The following SOX6 variants were observed in gnomAD, a reference collection of about 807,000 sequenced individuals.
SOX6 encodes the protein SRY-box transcription factor 6.
SOX6 carries 11 observed loss-of-function variants against 97.8 expected under a neutral mutation model. The observed-to-expected ratio is 0.11, with a 90% CI of 0.07 to 0.19. The LOEUF (loss-of-function observed/expected upper bound fraction) is 0.19, where lower values mean the gene tolerates loss of function less well. SOX6 is among the 10% of genes least tolerant of loss of function. The pLI is 1.00. For missense variants in SOX6, 810 were observed against 1,039.5 expected (o/e 0.78, Z 3.04); for synonymous variants, 360 against 371.4 (o/e 0.97, Z 0.35).
intron 3 of SOX6, among the ~76,000 whole-genome samples, chr11:16,236,402 A>ATTGAT (rs1217224672): frequency 5.3e-5 from 8 of 152,048 alleles, no homozygotes; most frequent in Non-Finnish European, 2.9e-5. Context: ...CCTGTCACAG[A>ATTGAT]TTGCTTTTTC....
chr11:16,277,026 A>G (rs184610712), intron 3 of SOX6, among the ~76,000 whole-genome samples: 2 of 152,304 alleles, frequency 1.3e-5, no homozygotes, highest in East Asian at 3.9e-4. Context: ...GCCTAGCACC[A>G]AAGAACACTT....
chr11:16,018,110 T>A (rs1041593308), intron 12 of SOX6, among the ~76,000 whole-genome samples: 3 of 152,130 alleles, frequency 2.0e-5, no homozygotes, highest in East Asian at 1.9e-4. Flanking sequence ...AGATGTTGCA[T>A]ATTAAATAAA....
chr11:16,513,394 A>G (rs1860911318), intron 4 of SOX6, among the ~76,000 whole-genome samples: 1 of 152,206 alleles, frequency 6.6e-6, no homozygotes, highest in Non-Finnish European at 1.5e-5. Flanking sequence ...GCACTTTGGG[A>G]GGCCAAGGCG....
chr11:16,652,221 A>G (rs1257482797), intron 3 of SOX6, among the ~76,000 whole-genome samples: 2 of 152,174 alleles, frequency 1.3e-5, no homozygotes, highest in Admixed American at 6.5e-5. Context: ...AATTAGCATC[A>G]AAGTACCATC....
At chr11:16,260,370 T>C (rs1194157443) in intron 3 of SOX6, among the ~76,000 whole-genome samples, 1 of 152,190 alleles carries the variant, frequency 6.6e-6, no homozygotes, top group African/African-American at 2.4e-5. Flanking sequence ...ATATATGTTA[T>C]ATTGTGAAAA....
At chr11:16,261,260 A>G (rs1718116798) in intron 3 of SOX6, among the ~76,000 whole-genome samples, 1 of 152,194 alleles carries the variant, frequency 6.6e-6, no homozygotes, top group Non-Finnish European at 1.5e-5. Flanking sequence ...ACTAAACAAA[A>G]ATATGTGGAA....
chr11:16,164,449 T>G (rs1850831446), intron 6 of SOX6, among the ~76,000 whole-genome samples: 1 of 152,234 alleles, frequency 6.6e-6, no homozygotes, highest in Non-Finnish European at 1.5e-5. Flanking sequence ...TAATTATTTT[T>G]GTACTTGTTT....
intron 3 of SOX6, among the ~76,000 whole-genome samples, chr11:16,664,666 G>A (rs1258101082): frequency 6.6e-6 from 1 of 151,994 alleles, no homozygotes. Context: ...TACTGGACTC[G>A]GAGCCAGTGG....
At chr11:16,498,010 A>G (rs1214509728) in intron 4 of SOX6, among the ~76,000 whole-genome samples, 1 of 152,208 alleles carries the variant, frequency 6.6e-6, no homozygotes, top group African/African-American at 2.4e-5. Flanking sequence ...CAAGACACAT[A>G]ACTGTCAGAT....
chr11:16,364,957 A>T (rs1857313301), intron 1 of SOX6, among the ~76,000 whole-genome samples: 1 of 152,134 alleles, frequency 6.6e-6, no homozygotes, highest in African/African-American at 2.4e-5. Flanking sequence ...CAAGTAACAC[A>T]TACTTTTATC....
Position 15,972,846 on chromosome 11 carries a change from C to A in SOX6, c.2450G>T (p.Ser817Ile). The A allele has an allele frequency of 6.2e-7, 1 of 1,614,228 alleles. No homozygotes were observed. The highest frequency in any genetic ancestry group is 8.5e-7 in the Non-Finnish European group (1 of 1,180,034). The change falls in exon 16 of 16, where the codon AGT becomes ATT. Residue 817 changes from serine (S) to isoleucine (I), a missense_variant. Ser to Ile is a moderately radical substitution (Grantham distance 142). Coordinates refer to ENST00000683767, the MANE Select transcript of SOX6 (RefSeq NM_001367873.1). ...GACAGCCTCCGGGGCTTCATTTTCA[C>A]TGCTATAGTCTGATTTGGGGTCATC... is the stretch of plus-strand genomic sequence containing the variant. ...YEDDPKSDYS[S>I]ENEAPEAVSA...
intron 3 of SOX6, among the ~76,000 whole-genome samples, chr11:16,620,644 CTATA>C (rs1848533088): frequency 6.6e-6 from 1 of 152,142 alleles, no homozygotes; most frequent in Non-Finnish European, 1.5e-5. Context: ...ATCAATAAAA[CTATA>C]TATGTCTACA....
At chr11:16,384,452 G>GA (rs1351252652) in intron 1 of SOX6, among the ~76,000 whole-genome samples, 1 of 151,700 alleles carries the variant, frequency 6.6e-6, no homozygotes, top group African/African-American at 2.4e-5. Flanking sequence ...ACGTGAAAAA[G>GA]AAAAAATGCT....
Position 16,407,326 on chromosome 11 carries a change from T to C in SOX6, c.-4-66074A>G, listed in dbSNP as rs187967238. On this transcript the variant is annotated intron_variant, in intron 1 of 15. Transcript: ENST00000396356. ...CATCTCTATGCTTCCTCCAAGAGCTTTGTCTGCGAAAAACATACAAAGAAA... is the reference window on the plus strand; with the variant it reads ...CATCTCTATGCTTCCTCCAAGAGCTCTGTCTGCGAAAAACATACAAAGAAA... Among the ~76,000 whole-genome samples the C allele has an allele frequency of 1.2e-4, 18 of 152,278 alleles. No homozygotes were observed. The East Asian group carries it at 1.7e-3, about 15-fold the overall frequency.
At chr11:16,358,617 C>T (rs1273315268), upstream of SOX6, among the ~76,000 whole-genome samples, 1 of 152,058 alleles carries the variant, frequency 6.6e-6, no homozygotes, top group Non-Finnish European at 1.5e-5. Flanking sequence ...ATCTGGAAGA[C>T]AGGCCATAAG....
chr11:16,068,978 T>C (rs1848157824), intron 9 of SOX6, among the ~76,000 whole-genome samples: 1 of 152,240 alleles, frequency 6.6e-6, no homozygotes, highest in South Asian at 2.1e-4. Context: ...GTTCTGTTAA[T>C]GCTGACCATT....
chr11:16,020,249 A>G (rs1423756582), intron 12 of SOX6, among the ~76,000 whole-genome samples: 1 of 151,772 alleles, frequency 6.6e-6, no homozygotes, highest in Non-Finnish European at 1.5e-5. Context: ...TCTTGCCCTC[A>G]ACCCTCTCTC....
intron 4 of SOX6, among the ~76,000 whole-genome samples, chr11:16,194,701 T>C (rs1851725329): frequency 6.6e-6 from 1 of 152,350 alleles, no homozygotes; most frequent in South Asian, 2.1e-4. Context: ...CCCCTCTTCC[T>C]GGCTGCAAAA....
intron 4 of SOX6, among the ~76,000 whole-genome samples, chr11:16,539,870 A>T (rs943911828): frequency 3.3e-5 from 5 of 152,210 alleles, no homozygotes; most frequent in African/African-American, 9.6e-5. Context: ...ACGGACTCAC[A>T]GCCAAATTCT....
Sources: gnomAD v4.1 joint callset for allele counts (sites outside exome capture counted in the v4.1 genomes callset) on GRCh38, gnomAD v4.1.1 for gene constraint, MANE v1.5 for transcripts, NCBI Gene and HGNC (gene_info 2026-07-23, HGNC 2026-07-21) for gene names.